Variants in ZNF385D observed in about 807,000 individuals in gnomAD.
The protein encoded by ZNF385D is zinc finger protein 385D.
Under a neutral mutation model 35.8 loss-of-function variants are expected in ZNF385D, and 15 were observed. That is an observed-to-expected ratio of 0.42 (90% CI 0.28 to 0.64). The LOEUF (loss-of-function observed/expected upper bound fraction) is 0.64. Ranked by LOEUF, ZNF385D falls within the 30% of genes least tolerant of loss-of-function variation. The pLI is 0.23. For synonymous variants in ZNF385D, 212 were observed against 186.8 expected, an observed-to-expected ratio of 1.13 and a Z score of -1.10; for missense variants, 474 against 494.6, an observed-to-expected ratio of 0.96 and a Z score of 0.39.
At chr3:22,365,113 T>A (rs1696593448) in intron 2 of ZNF385D, among the ~76,000 whole-genome samples, 1 of 152,008 alleles carries the variant, frequency 6.6e-6, no homozygotes, top group African/African-American at 2.4e-5. Context: ...GGGGAACAAC[T>A]GTTTAATGGA....
intron 2 of ZNF385D, among the ~76,000 whole-genome samples, chr3:21,595,352 C>A (rs1254874685): frequency 6.6e-6 from 1 of 151,716 alleles, no homozygotes; most frequent in African/African-American, 2.4e-5. Context: ...AACTGCCATT[C>A]TCATTATATA....
chr3:21,481,286 A>T (rs188597627), intron 4 of ZNF385D, among the ~76,000 whole-genome samples: 24 of 152,324 alleles, frequency 1.6e-4, no homozygotes, highest in African/African-American at 5.5e-4. Context: ...TCCAATTCTT[A>T]ATACATAAAT....
chr3:21,942,868 A>C (rs2125278294), intron 3 of ZNF385D, among the ~76,000 whole-genome samples: 1 of 152,314 alleles, frequency 6.6e-6, no homozygotes, highest in East Asian at 1.9e-4. Context: ...ATATCTAAAA[A>C]ACATAGGATT....
chr3:21,684,534 G>C (rs73042114), intron 1 of ZNF385D, among the ~76,000 whole-genome samples: 8,216 of 148,612 alleles, frequency 0.055, 295 homozygotes, highest in East Asian at 0.14. Context: ...TCTTTAATAA[G>C]CCCAAATTCA....
chr3:22,046,408 A>G (rs1226801383), intron 3 of ZNF385D, among the ~76,000 whole-genome samples: 1 of 152,140 alleles, frequency 6.6e-6, no homozygotes, highest in East Asian at 1.9e-4. Flanking sequence ...TTATGTTTAT[A>G]TAAAAAAGAC....
chr3:21,523,293 G>A (rs79457325), intron 3 of ZNF385D, among the ~76,000 whole-genome samples: 2,342 of 152,280 alleles, frequency 0.015, 22 homozygotes, highest in South Asian at 0.026. Flanking sequence ...AAGAGAACTT[G>A]TACTGAAGTC....
At chr3:21,441,680 A>G (rs1428446136) in intron 4 of ZNF385D, 1 of 985,226 alleles carries the variant, frequency 1.0e-6, no homozygotes, top group East Asian at 1.1e-4. Flanking sequence ...ATAGCTCTCA[A>G]CTAACCTCTT....
chr3:21,730,727 T>C (rs1473979682), intron 1 of ZNF385D, among the ~76,000 whole-genome samples: 4 of 152,268 alleles, frequency 2.6e-5, no homozygotes, highest in Non-Finnish European at 5.9e-5. Flanking sequence ...TACTTGCTTA[T>C]AGTAGTGTAG....
intron 2 of ZNF385D, among the ~76,000 whole-genome samples, chr3:22,253,354 G>GA (rs151170912): frequency 6.6e-6 from 1 of 151,576 alleles, no homozygotes; most frequent in Admixed American, 6.6e-5. Context: ...AAAGCAATTA[G>GA]AAAAAAAATA....
chr3:21,451,396 A>G (rs1218779555), intron 4 of ZNF385D, among the ~76,000 whole-genome samples: 1 of 152,150 alleles, frequency 6.6e-6, no homozygotes, highest in Non-Finnish European at 1.5e-5. Context: ...TACATAGCAC[A>G]CTTAAAATGA....
chr3:21,576,980 C>A (rs1459519841), intron 2 of ZNF385D, among the ~76,000 whole-genome samples: 2 of 152,084 alleles, frequency 1.3e-5, no homozygotes, highest in Non-Finnish European at 2.9e-5. Flanking sequence ...TATCCATCAC[C>A]TCTAACATTT....
At chr3:21,943,810 C>T (rs1701650382) in intron 3 of ZNF385D, among the ~76,000 whole-genome samples, 1 of 152,018 alleles carries the variant, frequency 6.6e-6, no homozygotes, top group South Asian at 2.1e-4. Context: ...ATGGAATGGC[C>T]AAACTAAGCC....
At chr3:22,001,230 A>G (rs1695825100) in intron 3 of ZNF385D, among the ~76,000 whole-genome samples, 1 of 152,088 alleles carries the variant, frequency 6.6e-6, no homozygotes, top group Non-Finnish European at 1.5e-5. Flanking sequence ...AAGCAATAAT[A>G]TGCTGCCTAC....
At chr3:21,557,414 G>A (rs1481232647) in intron 3 of ZNF385D, among the ~76,000 whole-genome samples, 2 of 152,156 alleles carry the variant, frequency 1.3e-5, no homozygotes, top group African/African-American at 4.8e-5. Flanking sequence ...TGCATCTATT[G>A]AGATAATCAT....
intron 1 of ZNF385D, among the ~76,000 whole-genome samples, chr3:21,683,173 C>G (rs2066971088): frequency 6.7e-6 from 1 of 149,726 alleles, no homozygotes; most frequent in African/African-American, 2.5e-5. Flanking sequence ...AATGATAAAC[C>G]TAAAGTCCAG....
intron 3 of ZNF385D, among the ~76,000 whole-genome samples, chr3:21,526,717 C>T (rs1005532686): frequency 8.6e-5 from 13 of 151,962 alleles, no homozygotes; most frequent in African/African-American, 2.7e-4. Flanking sequence ...CAAGACAGGA[C>T]AATTTAATGC....
intron 2 of ZNF385D, among the ~76,000 whole-genome samples, chr3:22,273,695 G>A (rs183313718): frequency 6.6e-6 from 1 of 152,158 alleles, no homozygotes; most frequent in Admixed American, 6.6e-5. Flanking sequence ...CGAGACAGAT[G>A]TTACAACTGG....
In ZNF385D at chr3:21,498,175, T is replaced by C. The variant is rs570981295; in HGVS notation, c.439+12686A>G. 7.2e-5 allele frequency among the ~76,000 whole-genome samples: 11 copies of C among 152,196 alleles called. No homozygotes were observed. The East Asian group carries it at 2.1e-3, about 29-fold the overall frequency. ...TAAGTAGTTAGCTATATGCAGAAGA[T>C]TGAAATTGGATATTTTCCTTAGATC... On this transcript the variant is annotated intron_variant, in intron 4 of 7. Coordinates refer to ENST00000281523, the MANE Select transcript of ZNF385D (RefSeq NM_024697.3).
chr3:22,157,899 C>A (rs140307601), intron 3 of ZNF385D, among the ~76,000 whole-genome samples: 1 of 152,136 alleles, frequency 6.6e-6, no homozygotes, highest in Non-Finnish European at 1.5e-5. Flanking sequence ...TGTACCTGCA[C>A]ACAAAGTGCC....
Sources: allele counts gnomAD v4.1 joint callset (sites outside exome capture counted in the v4.1 genomes callset), GRCh38; gene constraint gnomAD v4.1.1; transcripts MANE v1.5; gene names NCBI Gene and HGNC (gene_info 2026-07-23, HGNC 2026-07-21).